Variants in LINGO3 observed in about 807,000 individuals in gnomAD.
LINGO3 encodes the protein leucine rich repeat and Ig domain containing 3, also known as leucine-rich repeat and immunoglobulin-like domain-containing nogo receptor-interacting protein 3.
For synonymous variants in LINGO3, 427 were observed against 444.2 expected, an observed-to-expected ratio of 0.96 and a Z score of 0.49; for missense variants, 750 against 867.7, an observed-to-expected ratio of 0.86 and a Z score of 1.70.
rs2025502598 is a variant in LINGO3, at chr19:2,290,060, C to G, written c.1717G>C (p.Asp573His). Residue 573 changes from aspartate (D) to histidine (H), a missense_variant, in exon 1 of 1, where the codon GAT (aspartate) becomes CAT (histidine). Transcript: ENST00000585527. This position sits in a 1 kb window ranked among gnomAD's most constrained non-coding sequence, Gnocchi z 6.0. ...TGGCCCGCCGCGGCGGCCGGCCCAT[C>G]CACCTTGCGGAAGGAGTACTCCACC... 5 of 1,560,616 alleles carry G rather than the reference C, an allele frequency of 3.2e-6. No homozygotes were observed. The highest frequency in any genetic ancestry group is 1.4e-5 in the African/African-American group (1 of 73,440).
chr19:2,303,731 C>T, the LINGO3 span, among the ~76,000 whole-genome samples: 1 of 152,258 alleles, frequency 6.6e-6, no homozygotes, highest in African/African-American at 2.4e-5. Context: ...GCTGCACCTC[C>T]ATCTCCAGAG....
At chr19:2,294,444 C>T (rs1380745850), upstream of LINGO3, among the ~76,000 whole-genome samples, 2 of 152,130 alleles carry the variant, frequency 1.3e-5, no homozygotes, top group Admixed American at 6.6e-5. The surrounding 1 kb of genome is among the most constrained non-coding windows in gnomAD (Gnocchi z 4.3). Flanking sequence ...TGTTTTAAAC[C>T]CCCCGGGGTT....
chr19:2,290,772 C>G lies in LINGO3; in HGVS notation c.1005G>C (p.Glu335Asp). The change falls in exon 1 of 1, where the codon GAG becomes GAC. Residue 335 changes from glutamate (E) to aspartate (D), a missense_variant. By Grantham distance (45) the Glu-to-Asp change is conservative. Transcript: ENST00000585527. The surrounding 1 kb of genome is among the most constrained non-coding windows in gnomAD (Gnocchi z 6.0). ...GCGTGTTCACCGAGTGGAAGGTGCT[C>G]TCCTCCAACGTGGAGAGCAGGTTGT... The G allele has an allele frequency of 6.2e-7, 1 of 1,612,638 alleles. No individual in the cohort carries two copies. Among genetic ancestry groups the G allele is most frequent in the Non-Finnish European group, 8.5e-7 (1 of 1,179,606 alleles).
At chr19:2,294,054 G>GA (rs912001583), upstream of LINGO3, among the ~76,000 whole-genome samples, 1,161 of 150,878 alleles carry the variant, frequency 7.7e-3, 19 homozygotes, top group African/African-American at 0.027. The surrounding 1 kb of genome is among the most constrained non-coding windows in gnomAD (Gnocchi z 4.3). Context: ...TGTCTCAAGG[G>GA]AAAAAAAAAG....
At chr19:2,304,735 T>TTTTTTTA in the LINGO3 span, among the ~76,000 whole-genome samples, 1 of 146,594 alleles carries the variant, frequency 6.8e-6, no homozygotes, top group African/African-American at 2.5e-5. Context: ...TTTTTTTTTT[T>TTTTTTTA]GAGACAGAGT....
At chr19:2,305,721 A>T in the LINGO3 span, among the ~76,000 whole-genome samples, 2 of 151,894 alleles carry the variant, frequency 1.3e-5, no homozygotes, top group Admixed American at 6.6e-5. Flanking sequence ...GCCCACAGTG[A>T]CCTCCATCTC....
At chr19:2,291,308 C>G in exon 1 of LINGO3, 1 of 1,612,838 alleles carries the variant, frequency 6.2e-7, no homozygotes, top group Non-Finnish European at 8.5e-7. Context: ...TTGTCGCCCA[C>G]TTCCAGCCGG....
exon 1 of LINGO3, chr19:2,291,725 C>T: frequency 2.2e-6 from 3 of 1,345,766 alleles, no homozygotes; most frequent in Non-Finnish European, 2.8e-6. Flanking sequence ...GGGGGCGGCG[C>T]CGCGGGCAGC....
upstream of LINGO3, among the ~76,000 whole-genome samples, chr19:2,294,858 G>A (rs2025559105): frequency 6.6e-6 from 1 of 152,124 alleles, no homozygotes; most frequent in Non-Finnish European, 1.5e-5. This position sits in a 1 kb window ranked among gnomAD's most constrained non-coding sequence, Gnocchi z 4.3. Context: ...AGAACTACCA[G>A]GCGGCATTGC....
chr19:2,298,565 G>C, the LINGO3 span, among the ~76,000 whole-genome samples: 1 of 139,044 alleles, frequency 7.2e-6, no homozygotes, highest in African/African-American at 2.8e-5. Context: ...TTTTGACATA[G>C]AGTCTTGCTC....
the LINGO3 span, among the ~76,000 whole-genome samples, chr19:2,302,959 C>T: frequency 6.6e-6 from 1 of 152,258 alleles, no homozygotes; most frequent in East Asian, 1.9e-4. Context: ...GGCACAGCGG[C>T]TTCCACGCAG....
chr19:2,306,375 G>C, the LINGO3 span, among the ~76,000 whole-genome samples: 1 of 152,204 alleles, frequency 6.6e-6, no homozygotes, highest in Non-Finnish European at 1.5e-5. Context: ...GGGCCCACCC[G>C]GGGCCAACTT....
chr19:2,298,299 C>T, the LINGO3 span, among the ~76,000 whole-genome samples: 4 of 151,814 alleles, frequency 2.6e-5, no homozygotes, highest in South Asian at 4.2e-4. Context: ...GGTGTGATCT[C>T]GGCTCACTGC....
At chr19:2,304,424 G>C in the LINGO3 span, among the ~76,000 whole-genome samples, 3 of 152,094 alleles carry the variant, frequency 2.0e-5, no homozygotes, top group Non-Finnish European at 4.4e-5. Flanking sequence ...CTGCAGATAA[G>C]GCCACCCTTA....
At chr19:2,291,981 G>GT in exon 1 of LINGO3, 1 of 599,794 alleles carries the variant, frequency 1.7e-6, no homozygotes, top group South Asian at 1.5e-5. Flanking sequence ...GAGTTCAAGA[G>GT]TTCGAGACCA....
chr19:2,288,129 C>G (rs757773117), downstream of LINGO3, among the ~76,000 whole-genome samples: 1 of 152,200 alleles, frequency 6.6e-6, no homozygotes, highest in Non-Finnish European at 1.5e-5. This position sits in a 1 kb window ranked among gnomAD's most constrained non-coding sequence, Gnocchi z 6.5. Flanking sequence ...ATCTGCAGAG[C>G]AACCGGGCGG....
downstream of LINGO3, chr19:2,289,768 T>A: frequency 7.3e-4 from 175 of 241,290 alleles, no homozygotes; most frequent in East Asian, 2.0e-3. Context: ...TCAGCCACCA[T>A]AGCAGGGACA....
chr19:2,304,395 C>T, the LINGO3 span, among the ~76,000 whole-genome samples: 6 of 152,172 alleles, frequency 3.9e-5, no homozygotes, highest in Admixed American at 3.3e-4. Context: ...CCACAGCCAG[C>T]CGGTTCTAAT....
At chr19:2,294,005 G>A (rs1321898723), upstream of LINGO3, among the ~76,000 whole-genome samples, 6 of 152,006 alleles carry the variant, frequency 3.9e-5, no homozygotes, top group African/African-American at 9.7e-5. The surrounding 1 kb of genome is among the most constrained non-coding windows in gnomAD (Gnocchi z 4.3). Context: ...AGCTGTGATC[G>A]TGCCACTGCG....
Sources: allele counts gnomAD v4.1 joint callset (sites outside exome capture counted in the v4.1 genomes callset), GRCh38; gene constraint gnomAD v4.1.1; non-coding constraint Gnocchi (gnomAD v3.1); transcripts MANE v1.5; gene names NCBI Gene and HGNC (gene_info 2026-07-23, HGNC 2026-07-21).